Variants in ODF2 observed in about 807,000 individuals in gnomAD.
ODF2 encodes outer dense fiber protein 2.
Under a neutral mutation model 110.2 loss-of-function variants are expected in ODF2, and 47 were observed. That is an observed-to-expected ratio of 0.43 (90% CI 0.34 to 0.54). The LOEUF (loss-of-function observed/expected upper bound fraction) is 0.54, where lower values mean the gene tolerates loss of function less well. Ranked by LOEUF, ODF2 falls within the 20% of genes least tolerant of loss-of-function variation. The pLI, the probability that ODF2 is intolerant of heterozygous loss-of-function variation, is 0.03. For missense variants in ODF2, 812 were observed against 1,054.5 expected (o/e 0.77, Z 3.19); for synonymous variants, 352 against 397.7 (o/e 0.89, Z 1.37).
chr9:128,456,437 C>G (rs1408470400), intron 1 of ODF2, 182 bp downstream of exon 1: 1 of 1,509,320 alleles, frequency 6.6e-7, no homozygotes. Context: ...GGCGCGGGGC[C>G]TCTCCTCCTC....
In ODF2 at chr9:128,499,128, TGA is replaced by T. The variant is rs754858868; in HGVS notation, c.2301+4_2301+5del. On this transcript the variant is annotated splice_donor_region_variant and intron_variant, in intron 20 of 20. Transcript: ENST00000604420. The stretch of plus-strand genomic sequence containing the variant: ...CAGCTGCGGCGGAGCCGTGATGATG[TGA>T]GTCAGGCTGGTGGGCCGGGCTAGGA... 2 of 1,614,026 alleles carry T rather than the reference TGA, an allele frequency of 1.2e-6. No homozygotes were observed. Among genetic ancestry groups the T allele is most frequent in the South Asian group, 2.2e-5 (2 of 91,090 alleles).
At chr9:128,478,513 G>A (rs1007509957) in intron 8 of ODF2, among the ~76,000 whole-genome samples, 2 of 151,554 alleles carry the variant, frequency 1.3e-5, no homozygotes, top group African/African-American at 2.4e-5. Context: ...CAGGAGAATC[G>A]CTTGAACCCG....
chr9:128,496,792 A>G (rs1438130004), intron 18 of ODF2, among the ~76,000 whole-genome samples: 1 of 152,074 alleles, frequency 6.6e-6, no homozygotes, highest in African/African-American at 2.4e-5. Flanking sequence ...CAGTGGTGCA[A>G]TCTCAGCTCA....
rs1564473470 is a variant in ODF2, at chr9:128,469,167, CCCT to C, written c.250-11_250-9del. On this transcript the variant is annotated splice_polypyrimidine_tract_variant and intron_variant, in intron 4 of 20. Coordinates refer to ENST00000604420, the Ensembl canonical transcript of ODF2. ...CTGCCTTCTGAGTTCATGTGTTTCTCCCTCCTCTACATCAGAATCCACCTCATT... is the reference window on the plus strand; with the variant it reads ...CTGCCTTCTGAGTTCATGTGTTTCTCCCTCTACATCAGAATCCACCTCATT... 1.2e-6 allele frequency: 2 copies of C among 1,611,612 alleles called. No individual in the cohort carries two copies. Among genetic ancestry groups the C allele is most frequent in the African/African-American group, 2.7e-5 (2 of 74,992 alleles).
rs1396520799 is a variant in ODF2, at chr9:128,484,555, TCA to T, written c.1105-141_1105-140del. The T allele has an allele frequency of 4.9e-6, 4 of 808,808 alleles. No individual in the cohort carries two copies. The African/African-American group carries it at 6.9e-5, about 14-fold the overall frequency. 50.1% of individuals were successfully genotyped at this position (808,808 alleles called of 1,614,324 possible). A position where few individuals can be genotyped will look rare whatever the true frequency, so the allele number is the denominator to read the frequency against. ...CTCTGGTCCGAGTTAGGGGAGCCTCTCACACAGCTAAGCACTTTTTTCTGTCT... is the reference window on the plus strand; with the variant it reads ...CTCTGGTCCGAGTTAGGGGAGCCTCTCACAGCTAAGCACTTTTTTCTGTCT... On this transcript the variant is annotated intron_variant, in intron 11 of 20. Transcript: ENST00000604420.
intron 16 of ODF2, 35 bp downstream of exon 16, chr9:128,492,840 C>A: frequency 6.5e-7 from 1 of 1,539,934 alleles, no homozygotes; most frequent in Non-Finnish European, 9.0e-7. Context: ...TTCTCCTACC[C>A]AATTCCATAT....
At chr9:128,456,632 G>T in intron 1 of ODF2, 1 of 1,496,328 alleles carries the variant, frequency 6.7e-7, no homozygotes. Context: ...TCTGCTGCCC[G>T]TCGGCGGCAT....
intron 13 of ODF2, among the ~76,000 whole-genome samples, chr9:128,486,863 G>A (rs908477942): frequency 6.6e-6 from 1 of 152,210 alleles, no homozygotes; most frequent in Non-Finnish European, 1.5e-5. Context: ...GGGCCCTGCT[G>A]GAGAGGAATG....
chr9:128,500,321 C>G (rs1846330404), exon 21 of ODF2: 3 of 1,516,154 alleles, frequency 2.0e-6, no homozygotes, highest in Admixed American at 3.5e-5. Flanking sequence ...CAAGCCATAG[C>G]TGAGAAGCCT....
chr9:128,482,436 T>G (rs1181995580), intron 9 of ODF2, among the ~76,000 whole-genome samples: 1 of 152,178 alleles, frequency 6.6e-6, no homozygotes, highest in African/African-American at 2.4e-5. Context: ...ATGGTAAACA[T>G]GAGCTTTTAG....
intron 18 of ODF2, chr9:128,497,884 T>C (rs915538636): frequency 2.0e-5 from 3 of 152,236 alleles, no homozygotes; most frequent in African/African-American, 7.2e-5. Flanking sequence ...ATCCTGGAAG[T>C]GCACTGAGGA....
At chr9:128,481,235 C>G (rs556856621) in intron 8 of ODF2, among the ~76,000 whole-genome samples, 1 of 152,208 alleles carries the variant, frequency 6.6e-6, no homozygotes, top group South Asian at 2.1e-4. Context: ...CTTGGGGAGG[C>G]CAAAGCAGGC....
In ODF2 at chr9:128,456,821, T is replaced by C. The variant is rs1353083833; in HGVS notation, c.-208-377T>C. 7 of 1,201,780 alleles carry C rather than the reference T, an allele frequency of 5.8e-6. No individual in the cohort carries two copies. In the African/African-American group the frequency reaches 8.2e-5, roughly 14 times the overall value. The allele number at this position is 1,201,780 out of a possible 1,614,324, so 74.4% of individuals were successfully genotyped here. A position where few individuals can be genotyped will look rare whatever the true frequency, so the allele number is the denominator to read the frequency against. ...CTATCCTGCTCAGAACTCTGTTCGG[T>C]TTTCCCTCGCGGCGGGGCGCCCGGG... On this transcript the variant is annotated intron_variant, in intron 1 of 20. Coordinates refer to ENST00000604420, the Ensembl canonical transcript of ODF2.
At chr9:128,498,880 A>G in intron 19 of ODF2, 121 bp from the exon 20 acceptor site, 1 of 1,328,556 alleles carries the variant, frequency 7.5e-7, no homozygotes, top group Non-Finnish European at 1.1e-6. Context: ...TCTAGAGAAC[A>G]CAGTCCACAA....
exon 3 of ODF2, chr9:128,459,606 G>C (rs562607147): frequency 1.9e-6 from 3 of 1,613,852 alleles, no homozygotes; most frequent in Admixed American, 1.7e-5. Flanking sequence ...CGAGTCTCAC[G>C]CAGAAAAAGG....
chr9:128,466,990 A>G (rs1487699089), intron 4 of ODF2, among the ~76,000 whole-genome samples: 1 of 29,806 alleles, frequency 3.4e-5, no homozygotes. Context: ...TAAAAAAAAA[A>G]AAAAAAAAAA....
chr9:128,498,908 C>A, intron 19 of ODF2, 93 bp from the exon 20 acceptor site: 1 of 1,530,720 alleles, frequency 6.5e-7, no homozygotes, highest in Non-Finnish European at 9.0e-7. Flanking sequence ...CAAGTGCTGT[C>A]TGCAAGACCA....
At chr9:128,459,583 A>C in exon 3 of ODF2, 1 of 1,613,944 alleles carries the variant, frequency 6.2e-7, no homozygotes, top group Non-Finnish European at 8.5e-7. Flanking sequence ...ATCGTGTGGG[A>C]AGAACGGAGT....
chr9:128,480,848 CACAT>C (rs944799713), intron 8 of ODF2, among the ~76,000 whole-genome samples: 84 of 151,900 alleles, frequency 5.5e-4, no homozygotes, highest in African/African-American at 2.0e-3. Flanking sequence ...AAAAAATTAA[CACAT>C]AAATACAATA....
Sources: allele counts gnomAD v4.1 joint callset (sites outside exome capture counted in the v4.1 genomes callset), GRCh38; gene constraint gnomAD v4.1.1; transcripts MANE v1.5; gene names NCBI Gene and HGNC (gene_info 2026-07-23, HGNC 2026-07-21).